Variants in DCLK1 observed in about 807,000 individuals in gnomAD.
DCLK1 encodes the protein doublecortin like kinase 1, also known as serine/threonine-protein kinase DCLK1.
A neutral mutation model predicts 86.2 loss-of-function variants in DCLK1; 16 were observed. That is an observed-to-expected ratio of 0.19 (90% CI 0.13 to 0.28). The LOEUF is 0.28. Ranked by LOEUF, DCLK1 falls within the 10% of genes least tolerant of loss-of-function variation. The probability of loss-of-function intolerance (pLI) is 1.00; values close to 1 mark genes in which losing one functional copy is unlikely to be tolerated. For synonymous variants in DCLK1, 369 were observed against 370.5 expected (o/e 1.00, Z 0.05); for missense variants, 590 against 940.2 (o/e 0.63, Z 4.87).
intron 3 of DCLK1, among the ~76,000 whole-genome samples, chr13:36,020,114 G>T (rs548558957): frequency 6.6e-6 from 1 of 152,090 alleles, no homozygotes; most frequent in African/African-American, 2.4e-5. Context: ...CTTTTGCCAC[G>T]ATTGGACACA....
chr13:36,035,366 T>C (rs1385457219), intron 3 of DCLK1, among the ~76,000 whole-genome samples: 1 of 152,204 alleles, frequency 6.6e-6, no homozygotes. Flanking sequence ...TATGTCTTAC[T>C]ACCCACACTG....
intron 3 of DCLK1, among the ~76,000 whole-genome samples, chr13:36,072,802 A>C (rs1351355268): frequency 6.6e-6 from 1 of 152,354 alleles, no homozygotes; most frequent in South Asian, 2.1e-4. Flanking sequence ...TCCATTACAA[A>C]ACCACAGTAG....
intron 3 of DCLK1, among the ~76,000 whole-genome samples, chr13:36,070,386 G>A (rs528485101): frequency 1.7e-3 from 256 of 152,240 alleles, no homozygotes; most frequent in Non-Finnish European, 3.3e-3. Flanking sequence ...ACTGGACTTC[G>A]CTATTCTACC....
At chr13:36,105,703 C>T (rs1885369592) in intron 3 of DCLK1, among the ~76,000 whole-genome samples, 1 of 152,166 alleles carries the variant, frequency 6.6e-6, no homozygotes, top group Admixed American at 6.5e-5. Context: ...TTAAACTTAA[C>T]TAATCAGTAA....
chr13:36,039,869 CCTTA>C (rs899023777), intron 3 of DCLK1, among the ~76,000 whole-genome samples: 32 of 151,982 alleles, frequency 2.1e-4, no homozygotes, highest in African/African-American at 7.5e-4. Flanking sequence ...ATGAAGATGG[CCTTA>C]CTAAGTAGCA....
chr13:35,811,184 TTAAA>T (rs2087133881), intron 11 of DCLK1, among the ~76,000 whole-genome samples: 1 of 152,202 alleles, frequency 6.6e-6, no homozygotes, highest in African/African-American at 2.4e-5. Context: ...TGGAAATTGA[TTAAA>T]TAAATTATAG....
chr13:36,076,231 C>T (rs944380825), intron 3 of DCLK1, among the ~76,000 whole-genome samples: 12 of 152,164 alleles, frequency 7.9e-5, no homozygotes, highest in African/African-American at 2.9e-4. Context: ...TAAGGTTACC[C>T]ATTCAGCATG....
intron 3 of DCLK1, among the ~76,000 whole-genome samples, chr13:36,099,607 G>A (rs1266095160): frequency 6.6e-6 from 1 of 152,176 alleles, no homozygotes; most frequent in Non-Finnish European, 1.5e-5. Flanking sequence ...AATCCATGCT[G>A]AATCGATGTT....
At chr13:36,023,658 G>A (rs943434136) in intron 3 of DCLK1, among the ~76,000 whole-genome samples, 3 of 151,686 alleles carry the variant, frequency 2.0e-5, no homozygotes, top group Non-Finnish European at 4.4e-5. Context: ...TGATAAAAAA[G>A]GAAAAAAACC....
intron 13 of DCLK1, among the ~76,000 whole-genome samples, chr13:35,808,677 G>A (rs1481266289): frequency 6.6e-6 from 1 of 152,076 alleles, no homozygotes; most frequent in Admixed American, 6.5e-5. Flanking sequence ...CAGCTATTCA[G>A]GAAGCTGAGG....
intron 3 of DCLK1, among the ~76,000 whole-genome samples, chr13:36,031,217 A>G (rs978081987): frequency 5.3e-5 from 8 of 152,162 alleles, no homozygotes; most frequent in Admixed American, 2.0e-4. Flanking sequence ...CAAATTAGCA[A>G]ATAATGTGTG....
chr13:36,067,402 C>T, intron 3 of DCLK1, among the ~76,000 whole-genome samples: 1 of 113,330 alleles, frequency 8.8e-6, no homozygotes, highest in African/African-American at 3.5e-5. Context: ...ACCCTGGGGA[C>T]TGTTGTGGGG....
intron 6 of DCLK1, among the ~76,000 whole-genome samples, chr13:35,852,815 G>C (rs146670042): frequency 2.0e-5 from 3 of 152,164 alleles, no homozygotes; most frequent in Admixed American, 6.5e-5. Flanking sequence ...AATAAGCAAG[G>C]AGAGGAGCTC....
At chr13:35,930,640 C>A (rs1164449142) in intron 4 of DCLK1, among the ~76,000 whole-genome samples, 1 of 151,634 alleles carries the variant, frequency 6.6e-6, no homozygotes, top group Non-Finnish European at 1.5e-5. Context: ...ACAAAAAAAA[C>A]AAAGCAAAAA....
At chr13:36,123,044 G>A (rs1443144404) in intron 2 of DCLK1, among the ~76,000 whole-genome samples, 5 of 152,176 alleles carry the variant, frequency 3.3e-5, no homozygotes, top group African/African-American at 9.7e-5. Flanking sequence ...GTGAGAAAGA[G>A]CAAGAAAATA....
rs532868558 is a variant in DCLK1 at position 35,886,769 on chromosome 13, C to T, written c.824-15429G>A. Among the ~76,000 whole-genome samples the T allele has an allele frequency of 4.1e-3, 628 of 152,282 alleles. 7 individuals are homozygous for T. The highest frequency in any genetic ancestry group is 6.4e-3 in the Non-Finnish European group (438 of 68,006). On this transcript the variant is annotated intron_variant, in intron 4 of 16. Coordinates refer to ENST00000360631, the MANE Select transcript of DCLK1 (RefSeq NM_001330071.2). The stretch of plus-strand genomic sequence containing the variant: ...GACAGCTTTTGTGGAGTCTGTCAGT[C>T]GTTTTCCTGACATTTTCACTGCTCC...
chr13:35,861,998 A>T (rs1220449092), intron 5 of DCLK1, among the ~76,000 whole-genome samples: 1 of 132,428 alleles, frequency 7.6e-6, no homozygotes, highest in Non-Finnish European at 1.5e-5. Context: ...CGCCCACCGC[A>T]CTCCAGCCTG....
At chr13:35,785,043 C>T (rs1424286189) in intron 16 of DCLK1, among the ~76,000 whole-genome samples, 1 of 152,156 alleles carries the variant, frequency 6.6e-6, no homozygotes, top group African/African-American at 2.4e-5. Flanking sequence ...ATCCAATATG[C>T]ACATTTTAGT....
chr13:35,793,315 T>G, intron 16 of DCLK1, 51 bp downstream of exon 16: 1 of 1,447,886 alleles, frequency 6.9e-7, no homozygotes, highest in Non-Finnish European at 9.6e-7. Context: ...TGCCTGTCTC[T>G]TAGGTGGGTT....
Sources: allele counts gnomAD v4.1 joint callset (sites outside exome capture counted in the v4.1 genomes callset), GRCh38; gene constraint gnomAD v4.1.1; transcripts MANE v1.5; gene names NCBI Gene and HGNC (gene_info 2026-07-23, HGNC 2026-07-21).